TAMM41: variants seen among roughly 807,000 people sequenced by gnomAD.
The protein encoded by TAMM41 is phosphatidate cytidylyltransferase, mitochondrial.
A neutral mutation model predicts 44.1 loss-of-function variants in TAMM41; 36 were observed. The ratio of observed to expected loss-of-function variants is 0.82; its 90% confidence interval spans 0.63 to 1.08. TAMM41 has a LOEUF of 1.08. Among genes scored for constraint, TAMM41 ranks in the 50% least tolerant of loss-of-function variants. The probability of loss-of-function intolerance (pLI) is 0.00; values close to 1 mark genes in which losing one functional copy is unlikely to be tolerated. For missense variants in TAMM41, 417 were observed against 404.3 expected (o/e 1.03, Z -0.27); for synonymous variants, 164 against 153.1 (o/e 1.07, Z -0.53).
Position 11,846,667 on chromosome 3 carries a change from C to A in TAMM41, c.-31G>T, listed in dbSNP as rs541352924. ...CGAGGCTAACAGGGGACACTCAGCG[C>A]AGCAGGGCGAGGACAACCGGGCGGG... On this transcript the variant is annotated 5_prime_UTR_variant, in exon 1 of 8. Coordinates refer to ENST00000455809, the MANE Select transcript of TAMM41 (RefSeq NM_001284401.2). 6.8e-6 allele frequency: 11 copies of A among 1,613,790 alleles called. No homozygotes were observed. In the African/African-American group the frequency reaches 1.3e-4, roughly 20 times the overall value.
At chr3:11,728,319 C>T in the TAMM41 span, among the ~76,000 whole-genome samples, 2 of 152,150 alleles carry the variant, frequency 1.3e-5, no homozygotes, top group African/African-American at 2.4e-5. Flanking sequence ...ATCTTGCCCT[C>T]GTTGAGCTAT....
At chr3:11,759,526 C>A in the TAMM41 span, among the ~76,000 whole-genome samples, 2 of 152,012 alleles carry the variant, frequency 1.3e-5, no homozygotes, top group East Asian at 3.9e-4. Flanking sequence ...GGAATAAAGA[C>A]ACCTGGCTTC....
At chr3:11,839,369 T>C (rs760607469) in intron 2 of TAMM41, 55 bp from the exon 3 acceptor site, 22 of 1,148,310 alleles carry the variant, frequency 1.9e-5, no homozygotes, top group Non-Finnish European at 2.7e-5. Context: ...TTATTGCTTA[T>C]ACAAGTATAA....
chr3:11,839,722 C>A (rs1293860365), intron 2 of TAMM41, among the ~76,000 whole-genome samples: 1 of 152,120 alleles, frequency 6.6e-6, no homozygotes, highest in Non-Finnish European at 1.5e-5. Flanking sequence ...AAAACTGTTC[C>A]CCTCCCCAGT....
the TAMM41 span, among the ~76,000 whole-genome samples, chr3:11,776,539 C>T: frequency 6.6e-6 from 1 of 152,160 alleles, no homozygotes; most frequent in Non-Finnish European, 1.5e-5. Flanking sequence ...AGCACAGTAA[C>T]CTGCTGTACA....
At chr3:11,811,817 G>C (rs1488017771) in intron 5 of TAMM41, among the ~76,000 whole-genome samples, 1 of 152,208 alleles carries the variant, frequency 6.6e-6, no homozygotes, top group Non-Finnish European at 1.5e-5. Flanking sequence ...AGGGTATGGA[G>C]TGACAGAAAT....
chr3:11,845,953 T>C (rs2079665442), intron 1 of TAMM41, among the ~76,000 whole-genome samples: 1 of 152,238 alleles, frequency 6.6e-6, no homozygotes. Context: ...TCACTGCACC[T>C]GCCCTGGCCC....
the TAMM41 span, among the ~76,000 whole-genome samples, chr3:11,773,511 G>A: frequency 2.0e-5 from 3 of 151,894 alleles, no homozygotes; most frequent in East Asian, 1.9e-4. Context: ...GTGAGCCACC[G>A]TGCCCAGCCC....
chr3:11,845,738 TAC>T (rs2079652137), intron 1 of TAMM41, among the ~76,000 whole-genome samples: 1 of 152,106 alleles, frequency 6.6e-6, no homozygotes, highest in Non-Finnish European at 1.5e-5. Context: ...GAAGACAGAC[TAC>T]AGTCAGGTAT....
At chr3:11,833,311 A>G (rs992158081) in intron 3 of TAMM41, among the ~76,000 whole-genome samples, 1 of 152,212 alleles carries the variant, frequency 6.6e-6, no homozygotes, top group Admixed American at 6.5e-5. Flanking sequence ...TTCAAAGGAG[A>G]TATTTGTGAG....
the TAMM41 span, among the ~76,000 whole-genome samples, chr3:11,727,788 A>ATT: frequency 3.1e-5 from 4 of 128,538 alleles, no homozygotes; most frequent in South Asian, 2.5e-4. Flanking sequence ...TTCTAATTTA[A>ATT]TTTTTTTTTT....
the TAMM41 span, among the ~76,000 whole-genome samples, chr3:11,744,456 G>A: frequency 6.6e-6 from 1 of 151,988 alleles, no homozygotes; most frequent in African/African-American, 2.4e-5. Context: ...CACTTTGTGG[G>A]GGCCAAGGCT....
chr3:11,761,329 A>G, the TAMM41 span, among the ~76,000 whole-genome samples: 43 of 152,004 alleles, frequency 2.8e-4, 2 homozygotes, highest in Non-Finnish European at 5.9e-4. Context: ...TCTTGAGGGC[A>G]CTTTTCCCCT....
At chr3:11,793,059 C>CAAAAAAAAAAAAAAAA (rs61264653) in intron 7 of TAMM41, among the ~76,000 whole-genome samples, 1 of 65,128 alleles carries the variant, frequency 1.5e-5, no homozygotes, top group African/African-American at 6.7e-5. Context: ...GGCCCCATCT[C>CAAAAAAAAAAAAAAAA]AAAAAAAAAA....
chr3:11,833,909 T>A (rs2079076718), intron 3 of TAMM41, among the ~76,000 whole-genome samples: 1 of 152,174 alleles, frequency 6.6e-6, no homozygotes. Context: ...TTTAAATGGT[T>A]GAGCTGTGTG....
rs73134844 is a variant in TAMM41 at position 11,836,020 on chromosome 3, C to T, written c.411+3202G>A. Reference sequence around the variant, plus strand: ...TTTTTTTTTTTTTGAGACTGGGTCTCGCTGCGTCACCTAGGCTGGAGTGCG... The same window carrying T: ...TTTTTTTTTTTTTGAGACTGGGTCTTGCTGCGTCACCTAGGCTGGAGTGCG... On this transcript the variant is annotated intron_variant, in intron 3 of 7. Coordinates refer to ENST00000455809, the MANE Select transcript of TAMM41 (RefSeq NM_001284401.2). Among the ~76,000 whole-genome samples, 935 of 143,638 alleles carry T rather than the reference C, an allele frequency of 6.5e-3. 8 individuals carry two copies. Among genetic ancestry groups the T allele is most frequent in the Middle Eastern group, 0.036 (10 of 276 alleles). 94.2% of individuals were successfully genotyped at this position (143,638 alleles called of 152,430 possible).
the TAMM41 span, among the ~76,000 whole-genome samples, chr3:11,778,418 G>C: frequency 6.6e-6 from 1 of 152,008 alleles, no homozygotes; most frequent in African/African-American, 2.4e-5. Context: ...TGTAGACACA[G>C]GGTCTTGCTA....
intron 3 of TAMM41, among the ~76,000 whole-genome samples, chr3:11,834,674 T>C (rs1053994563): frequency 6.6e-6 from 1 of 152,166 alleles, no homozygotes; most frequent in Non-Finnish European, 1.5e-5. Context: ...AGTCCATCTT[T>C]TTAAGCAAGA....
intron 7 of TAMM41, among the ~76,000 whole-genome samples, chr3:11,802,044 T>C (rs979144987): frequency 6.6e-6 from 1 of 151,796 alleles, no homozygotes; most frequent in South Asian, 2.1e-4. Flanking sequence ...TGTGGCAAAA[T>C]CTCACCTTGA....
Sources: gnomAD v4.1 joint callset for allele counts (sites outside exome capture counted in the v4.1 genomes callset) on GRCh38, gnomAD v4.1.1 for gene constraint, MANE v1.5 for transcripts, NCBI Gene and HGNC (gene_info 2026-07-23, HGNC 2026-07-21) for gene names.